The following DSG2 variants were observed in gnomAD, a reference collection of about 807,000 sequenced individuals.
DSG2 encodes the protein desmoglein-2.
In DSG2, 45 loss-of-function variants were observed where a neutral mutation model predicts 75.6. That is an observed-to-expected ratio of 0.60 (90% CI 0.47 to 0.76). The LOEUF (loss-of-function observed/expected upper bound fraction) is 0.76, where lower values mean the gene tolerates loss of function less well. Ranked by LOEUF, DSG2 falls within the 30% of genes least tolerant of loss-of-function variation. The pLI, the probability that DSG2 is intolerant of heterozygous loss-of-function variation, is 0.00. For synonymous variants in DSG2, 429 were observed against 483.9 expected, an observed-to-expected ratio of 0.89 and a Z score of 1.49; for missense variants, 1,267 against 1,357.4, an observed-to-expected ratio of 0.93 and a Z score of 1.05.
chr18:31,517,823 AT>A (rs2073102535), intron 1 of DSG2, among the ~76,000 whole-genome samples: 1 of 151,946 alleles, frequency 6.6e-6, no homozygotes, highest in Non-Finnish European at 1.5e-5. Flanking sequence ...TGTGTGTATA[AT>A]GCACACACAT....
rs1366365838 is a variant in DSG2 at position 31,542,741 on chromosome 18, C to T, written c.2223C>T (p.Thr741=). Residue 741 remains threonine (T), a synonymous_variant, in exon 14 of 15, where the codon ACC becomes ACT. Transcript: ENST00000261590. ...QFTGATGAIM[T]TETTKTARAT... is the part of the protein sequence containing the mutation. ...CAGGGGCCACAGGCGCTATCATGAC[C>T]ACTGAAACCACGAAGACCGCAAGGG... 6.2e-7 allele frequency: 1 copy of T among 1,614,086 alleles called. No individual in the cohort carries two copies. The highest frequency in any genetic ancestry group is 1.7e-5 in the Admixed American group (1 of 60,018).
At position 31,526,677 on chromosome 18, in the gene DSG2, A is replaced by G. The variant is rs79682918; in HGVS notation, c.1014+1789A>G. On this transcript the variant is annotated intron_variant, in intron 8 of 14. Coordinates refer to ENST00000261590, the MANE Select transcript of DSG2 (RefSeq NM_001943.5). ...AGGAGAAACAGTCAGATATTGATGAATGACAGAGGTGCTAGCATAGAATTG... is the reference window on the plus strand; with the variant it reads ...AGGAGAAACAGTCAGATATTGATGAGTGACAGAGGTGCTAGCATAGAATTG... Among the ~76,000 whole-genome samples, 530 of 152,316 alleles carry G rather than the reference A, an allele frequency of 3.5e-3. 6 individuals are homozygous for G. Among genetic ancestry groups the G allele is most frequent in the African/African-American group, 0.012 (515 of 41,576 alleles).
chr18:31,535,380 C>T lies in DSG2; in HGVS notation c.1391C>T (p.Thr464Ile). 1 of 1,612,004 alleles carries T rather than the reference C, an allele frequency of 6.2e-7. No homozygotes were observed. The highest frequency in any genetic ancestry group is 8.5e-7 in the Non-Finnish European group (1 of 1,178,490). ...DFESRYVQNGTYTVKIVAISE... is the reference protein window; with the variant it reads ...DFESRYVQNGIYTVKIVAISE... ...GAATCTAGATATGTTCAAAATGGCA[C>T]ATACACTGTAAAGATTGTGGCCATA... is the stretch of plus-strand genomic sequence containing the variant. Residue 464 changes from threonine (T) to isoleucine (I), a missense_variant, in exon 10 of 15, where the codon ACA becomes ATA. Coordinates refer to ENST00000261590, the MANE Select transcript of DSG2 (RefSeq NM_001943.5).
At chr18:31,523,200 G>A (rs1258514872) in intron 6 of DSG2, among the ~76,000 whole-genome samples, 2 of 152,114 alleles carry the variant, frequency 1.3e-5, no homozygotes, top group African/African-American at 2.4e-5. Flanking sequence ...AGGAGATCGA[G>A]ACCATCCTGG....
At position 31,532,778 on chromosome 18, in the gene DSG2, T is replaced by C. The variant is rs113151082; in HGVS notation, c.1280+1526T>C. Among the ~76,000 whole-genome samples, 1,221 of 152,272 alleles carry C rather than the reference T, an allele frequency of 8.0e-3. 13 individuals are homozygous for C. The highest frequency in any genetic ancestry group is 0.028 in the African/African-American group (1,183 of 41,548). ...TGAATTTACAAAATTGAGCATGAAT[T>C]TTCTATATGATCATTTTTCACTGCT... is the stretch of plus-strand genomic sequence containing the variant. On this transcript the variant is annotated intron_variant, in intron 9 of 14. Coordinates refer to ENST00000261590, the MANE Select transcript of DSG2 (RefSeq NM_001943.5).
At chr18:31,543,047 A>C in intron 14 of DSG2, 195 bp downstream of exon 14, 1 of 522,410 alleles carries the variant, frequency 1.9e-6, no homozygotes, top group South Asian at 3.6e-5. Flanking sequence ...TGTTAGCTAA[A>C]TTATGCTGCA....
chr18:31,516,295 A>G (rs1216514926), intron 1 of DSG2, among the ~76,000 whole-genome samples: 1 of 152,212 alleles, frequency 6.6e-6, no homozygotes. Context: ...TAGAGTTGCA[A>G]ATAAAGCACA....
chr18:31,504,446 T>C (rs901654272), intron 1 of DSG2, among the ~76,000 whole-genome samples: 8 of 152,204 alleles, frequency 5.3e-5, no homozygotes, highest in African/African-American at 1.9e-4. Context: ...ATCATATCAT[T>C]TCTTGTTTCA....
Position 31,546,434 on chromosome 18 carries a change from G to A in DSG2, c.3048G>A (p.Val1016=), listed in dbSNP as rs374565425. ...QHLQDVPYVM[V]RERESFLAPS... ...TTCAAGATGTACCTTACGTCATGGT[G>A]AGGGAAAGAGAGAGCTTCCTTGCCC... Residue 1016 remains valine, a synonymous_variant, in exon 15 of 15, where the codon GTG becomes GTA. Transcript: ENST00000261590. The A allele has an allele frequency of 1.2e-6, 2 of 1,614,194 alleles. No individual in the cohort carries two copies. The highest frequency in any genetic ancestry group is 8.5e-7 in the Non-Finnish European group (1 of 1,180,026).
chr18:31,518,115 T>C, intron 1 of DSG2, 124 bp from the exon 2 acceptor site: 1 of 749,728 alleles, frequency 1.3e-6, no homozygotes, highest in South Asian at 1.7e-5. Context: ...TGACAAAGAA[T>C]AGTAGTAGTG....
At chr18:31,530,871 T>C (rs2073192292) in intron 8 of DSG2, 116 bp from the exon 9 acceptor site, 3 of 1,033,134 alleles carry the variant, frequency 2.9e-6, no homozygotes, top group African/African-American at 1.6e-5. Context: ...AGTGCTGCTA[T>C]ATTTCCTGTG....
At chr18:31,540,219 A>T (rs1200039447) in intron 12 of DSG2, among the ~76,000 whole-genome samples, 2 of 152,102 alleles carry the variant, frequency 1.3e-5, no homozygotes, top group East Asian at 3.9e-4. Flanking sequence ...CTTCCATGAA[A>T]CCAGTCCCTG....
At chr18:31,542,285 CTGTT>C (rs1420961750) in intron 13 of DSG2, 1 of 582,724 alleles carries the variant, frequency 1.7e-6, no homozygotes, top group Non-Finnish European at 3.1e-6. Context: ...GGAGCTGAGA[CTGTT>C]TGGGCTTTGT....
intron 1 of DSG2, among the ~76,000 whole-genome samples, chr18:31,502,550 G>A (rs2073018938): frequency 1.3e-5 from 2 of 152,234 alleles, no homozygotes; most frequent in African/African-American, 2.4e-5. Context: ...AGGAGTTTGA[G>A]ACCAGCCTGG....
chr18:31,532,810 G>A (rs962856649), intron 9 of DSG2, among the ~76,000 whole-genome samples: 2 of 152,138 alleles, frequency 1.3e-5, no homozygotes, highest in African/African-American at 2.4e-5. Flanking sequence ...TGCTGTCTAT[G>A]GAGAAACTTA....
chr18:31,526,320 A>T (rs1244099772), intron 8 of DSG2, among the ~76,000 whole-genome samples: 1 of 152,162 alleles, frequency 6.6e-6, no homozygotes, highest in Admixed American at 6.5e-5. Flanking sequence ...CTTAATATAT[A>T]ACAGACTGGG....
At chr18:31,541,119 C>T in intron 12 of DSG2, 74 bp from the exon 13 acceptor site, 1 of 1,600,846 alleles carries the variant, frequency 6.2e-7, no homozygotes, top group East Asian at 2.2e-5. Flanking sequence ...CATGCAAATT[C>T]CAAAATTGTG....
chr18:31,507,138 C>T (rs184477032), intron 1 of DSG2, among the ~76,000 whole-genome samples: 643 of 10,674 alleles, frequency 0.06, 5 homozygotes, highest in African/African-American at 0.19. Context: ...CATGTGTTCT[C>T]GTTGTTCAAC....
rs755595254 is a variant in DSG2 at position 31,546,508 on chromosome 18, G to A, written c.3122G>A (p.Gly1041Glu). 2 of 1,614,186 alleles carry A rather than the reference G, an allele frequency of 1.2e-6. No individual in the cohort carries two copies. The highest frequency in any genetic ancestry group is 2.2e-5 in the East Asian group (1 of 44,886). The change falls in exon 15 of 15, where the codon GGA (glycine) becomes GAA (glutamate). Residue 1041 changes from glycine to glutamate, a missense_variant. Transcript: ENST00000261590. ...CTGGCCATGCCTAATATAGCAGTAG[G>A]ACAGAATGTGACAGTGACAGAAAGA... is the stretch of plus-strand genomic sequence containing the variant. ...PTLAMPNIAV[G>E]QNVTVTERVL...
Sources: gnomAD v4.1 joint callset for allele counts (sites outside exome capture counted in the v4.1 genomes callset) on GRCh38, gnomAD v4.1.1 for gene constraint, MANE v1.5 for transcripts, NCBI Gene and HGNC (gene_info 2026-07-23, HGNC 2026-07-21) for gene names.